Variants in PDHX observed in about 807,000 individuals in gnomAD.
PDHX encodes the protein pyruvate dehydrogenase protein X component, mitochondrial.
In PDHX, 33 loss-of-function variants were observed where a neutral mutation model predicts 55.3. The ratio of observed to expected loss-of-function variants is 0.60; its 90% CI spans 0.45 to 0.80. PDHX has a LOEUF of 0.80. Among genes scored for constraint, PDHX ranks in the 30% least tolerant of loss-of-function variants. The pLI is 0.00. For synonymous variants in PDHX, 226 were observed against 219.4 expected (o/e 1.03, Z -0.27); for missense variants, 622 against 619.9 (o/e 1.00, Z -0.04).
At chr11:34,932,882 T>C (rs780005042) in intron 2 of PDHX, among the ~76,000 whole-genome samples, 3 of 152,044 alleles carry the variant, frequency 2.0e-5, no homozygotes, top group Non-Finnish European at 4.4e-5. Flanking sequence ...ACTTTTACTG[T>C]ATCTACACCT....
At chr11:34,964,684 A>G (rs922288004) in intron 5 of PDHX, among the ~76,000 whole-genome samples, 2 of 151,936 alleles carry the variant, frequency 1.3e-5, no homozygotes, top group African/African-American at 4.9e-5. Flanking sequence ...TTTATGATTA[A>G]CCTACCCAAG....
At chr11:34,977,995 A>G (rs930371665) in intron 7 of PDHX, 129 bp from the exon 8 acceptor site, 2 of 654,580 alleles carry the variant, frequency 3.1e-6, no homozygotes, top group East Asian at 5.4e-5. Context: ...TTGACTAAGC[A>G]AACAAAAGCT....
chr11:34,916,918 G>A, intron 1 of PDHX, 103 bp downstream of exon 1: 4 of 1,142,948 alleles, frequency 3.5e-6, no homozygotes, highest in Non-Finnish European at 5.1e-6. Context: ...GAAGGTGCGC[G>A]GGCTCCTTAT....
chr11:34,971,846 T>C (rs907705667), intron 7 of PDHX, among the ~76,000 whole-genome samples: 18 of 152,168 alleles, frequency 1.2e-4, no homozygotes, highest in Non-Finnish European at 2.4e-4. Context: ...ATTGGTATTA[T>C]TTCTTTTTTA....
chr11:34,930,416 AT>A (rs1854129447), intron 1 of PDHX, among the ~76,000 whole-genome samples: 1 of 152,334 alleles, frequency 6.6e-6, no homozygotes, highest in African/African-American at 2.4e-5. Flanking sequence ...TTAGTGCTCA[AT>A]TTCCTTGCTT....
intron 9 of PDHX, among the ~76,000 whole-genome samples, chr11:34,989,892 C>T (rs991427981): frequency 1.3e-5 from 2 of 152,166 alleles, no homozygotes; most frequent in Non-Finnish European, 2.9e-5. Flanking sequence ...GCTTGGGATA[C>T]AGTAGTTGCT....
intron 3 of PDHX, among the ~76,000 whole-genome samples, chr11:34,950,810 A>G (rs1332945486): frequency 6.7e-6 from 1 of 150,044 alleles, no homozygotes; most frequent in South Asian, 2.1e-4. Context: ...AGTCTTTGCT[A>G]TTGTGAATAG....
chr11:34,978,641 A>G (rs931488226), intron 8 of PDHX, among the ~76,000 whole-genome samples: 1 of 152,114 alleles, frequency 6.6e-6, no homozygotes, highest in East Asian at 1.9e-4. Context: ...AGTGAGCCAC[A>G]TAGGTATGTG....
intron 1 of PDHX, among the ~76,000 whole-genome samples, chr11:34,917,699 T>C (rs555613571): frequency 1.3e-5 from 2 of 152,072 alleles, no homozygotes; most frequent in South Asian, 4.2e-4. Context: ...AAAAAAAAAA[T>C]CACACAAAGT....
chr11:34,968,804 T>C (rs1855191984), intron 6 of PDHX, among the ~76,000 whole-genome samples: 1 of 152,204 alleles, frequency 6.6e-6, no homozygotes, highest in Admixed American at 6.5e-5. Flanking sequence ...CTAGTTTAAC[T>C]CCACTGTGTT....
At chr11:34,986,270 C>T (rs992795470) in intron 9 of PDHX, among the ~76,000 whole-genome samples, 2 of 144,682 alleles carry the variant, frequency 1.4e-5, no homozygotes, top group African/African-American at 5.2e-5. Flanking sequence ...GTGCCATTTG[C>T]ACTGCAGCCT....
chr11:34,954,251 G>T (rs1854850970), intron 3 of PDHX, among the ~76,000 whole-genome samples: 1 of 152,140 alleles, frequency 6.6e-6, no homozygotes, highest in African/African-American at 2.4e-5. Context: ...TTAATATATT[G>T]ATTTTAATAT....
intron 2 of PDHX, among the ~76,000 whole-genome samples, chr11:34,946,948 G>A (rs1590743398): frequency 6.6e-6 from 1 of 152,144 alleles, no homozygotes; most frequent in Non-Finnish European, 1.5e-5. Context: ...ATATTTTTGA[G>A]TTTCCAGATA....
upstream of PDHX, chr11:34,916,172 G>A (rs1853682389): frequency 1.3e-6 from 2 of 1,574,042 alleles, no homozygotes; most frequent in South Asian, 2.3e-5. Context: ...CAGCCGCCGG[G>A]TCCCGCCTGG....
chr11:34,921,101 C>T (rs1389236520), intron 1 of PDHX, among the ~76,000 whole-genome samples: 2 of 152,148 alleles, frequency 1.3e-5, no homozygotes, highest in African/African-American at 2.4e-5. Context: ...TTTGAATTCT[C>T]ATTTAACTGT....
chr11:34,975,500 G>T (rs1428800577), intron 7 of PDHX, among the ~76,000 whole-genome samples: 4 of 152,058 alleles, frequency 2.6e-5, no homozygotes, highest in Non-Finnish European at 5.9e-5. Flanking sequence ...TTTCTTAGCT[G>T]TGTCTGCAAA....
Position 34,916,666 on chromosome 11 carries a change from C to T in PDHX, c.11C>T (p.Ser4Phe). 3 of 1,609,976 alleles carry T rather than the reference C, an allele frequency of 1.9e-6. No individual in the cohort carries two copies. The highest frequency in any genetic ancestry group is 2.2e-5 in the East Asian group (1 of 44,874). The change falls in exon 1 of 11, where the codon TCC becomes TTC. Residue 4 changes from serine (S) to phenylalanine (F), a missense_variant. Transcript: ENST00000227868. ...GAGAAGGCCGTCAAGATGGCGGCCT[C>T]CTGGAGGCTGGGCTGTGATCCGCGG... MAA[S>F]WRLGCDPRLL...
chr11:34,977,609 C>T (rs552790781), intron 7 of PDHX, among the ~76,000 whole-genome samples: 23 of 151,936 alleles, frequency 1.5e-4, no homozygotes, highest in African/African-American at 2.7e-4. Flanking sequence ...AAGAAATTTT[C>T]GAACACTTTC....
Position 34,944,986 on chromosome 11 carries a change from A to C in PDHX, c.242-2520A>C, listed in dbSNP as rs75964253. Among the ~76,000 whole-genome samples the C allele has an allele frequency of 7.3e-3, 1,107 of 152,116 alleles. 7 individuals are homozygous for C. The highest frequency in any genetic ancestry group is 0.014 in the Admixed American group (207 of 15,290). On this transcript the variant is annotated intron_variant, in intron 2 of 10. Coordinates refer to ENST00000227868, the MANE Select transcript of PDHX (RefSeq NM_003477.3). The stretch of plus-strand genomic sequence containing the variant: ...CTTTTCTTTCCATGTGCCTGCCCTC[A>C]GTTAGATAATCAACTTCTTATTTTT...
Sources: allele counts gnomAD v4.1 joint callset (sites outside exome capture counted in the v4.1 genomes callset), GRCh38; gene constraint gnomAD v4.1.1; transcripts MANE v1.5; gene names NCBI Gene and HGNC (gene_info 2026-07-23, HGNC 2026-07-21).